TMEM151B: variants seen among roughly 807,000 people sequenced by gnomAD.
TMEM151B encodes transmembrane protein 193.
Under a neutral mutation model 33.0 loss-of-function variants are expected in TMEM151B, and 18 were observed. That is an observed-to-expected ratio of 0.55 (90% CI 0.38 to 0.81). The LOEUF (loss-of-function observed/expected upper bound fraction) is 0.81, where lower values mean the gene tolerates loss of function less well. Among genes scored for constraint, TMEM151B ranks in the 30% least tolerant of loss-of-function variants. TMEM151B has a pLI of 0.00. For synonymous variants in TMEM151B, 354 were observed against 373.6 expected (o/e 0.95, Z 0.61); for missense variants, 672 against 843.4 (o/e 0.80, Z 2.52).
chr6:44,270,737 T>C lies in TMEM151B; in HGVS notation c.-6T>C. On this transcript the variant is annotated 5_prime_UTR_variant, in exon 1 of 3. Transcript: ENST00000451188. ...GGTCCTGAGCTCGACGCGCCCCCTC[T>C]ACGCCATGTCCCCCCCTGGCTCGGC... 1 of 1,043,806 alleles carries C rather than the reference T, an allele frequency of 9.6e-7. No individual in the cohort carries two copies. The highest frequency in any genetic ancestry group is 1.2e-6 in the Non-Finnish European group (1 of 860,416). The allele number at this position is 1,043,806 out of a possible 1,614,324, so 64.7% of individuals were successfully genotyped here.
chr6:44,275,864 T>C lies in TMEM151B; in HGVS notation c.1038T>C (p.Gly346=), dbSNP rs1447079634. Residue 346 remains glycine (G), a synonymous_variant, in exon 3 of 3, where the codon GGT becomes GGC. Transcript: ENST00000451188. ...CGGGCTCGGCCAGCAGCGCAGGCGG[T>C]GGCCTCAGCCCCAGCGATGAGCTGC... ...EGPGSASSAG[G]GLSPSDELLP... is the part of the protein sequence containing the mutation. 6.5e-7 allele frequency: 1 copy of C among 1,541,576 alleles called. No homozygotes were observed. The highest frequency in any genetic ancestry group is 8.7e-7 in the Non-Finnish European group (1 of 1,145,432).
chr6:44,277,765 C>T lies in TMEM151B; in HGVS notation c.*1238C>T, dbSNP rs1036898877. 2.0e-5 allele frequency: 3 copies of T among 152,224 alleles called. No homozygotes were observed. The highest frequency in any genetic ancestry group is 7.2e-5 in the African/African-American group (3 of 41,400). The allele number at this position is 152,224 out of a possible 1,614,324, so 9.4% of individuals were successfully genotyped here. A position where few individuals can be genotyped will look rare whatever the true frequency, so the allele number is the denominator to read the frequency against. ...TATGAGCTGAAGCCCTGCTGTGTGTCGCAGGGTCTTCAAAGGGGCATCCTG... is the reference window on the plus strand; with the variant it reads ...TATGAGCTGAAGCCCTGCTGTGTGTTGCAGGGTCTTCAAAGGGGCATCCTG... On this transcript the variant is annotated 3_prime_UTR_variant, in exon 3 of 3. Transcript: ENST00000451188.
chr6:44,275,849 C>G lies in TMEM151B; in HGVS notation c.1023C>G (p.Ala341=). Residue 341 remains alanine (A), a synonymous_variant, in exon 3 of 3, where the codon GCC becomes GCG. Coordinates refer to ENST00000451188, the MANE Select transcript of TMEM151B (RefSeq NM_001137560.2). The part of the protein sequence containing the change: ...KLFGLEGPGS[A]SSAGGGLSPS... ...TTGGCCTGGAGGGCCCGGGCTCGGC[C>G]AGCAGCGCAGGCGGTGGCCTCAGCC... The G allele has an allele frequency of 6.5e-7, 1 of 1,541,918 alleles. No individual in the cohort carries two copies. The highest frequency in any genetic ancestry group is 8.7e-7 in the Non-Finnish European group (1 of 1,145,740).
chr6:44,270,747 C>G lies in TMEM151B; in HGVS notation c.5C>G (p.Ser2Cys), dbSNP rs1782291548. The G allele has an allele frequency of 6.6e-6, 7 of 1,065,260 alleles. No homozygotes were observed. Among genetic ancestry groups the G allele is most frequent in the South Asian group, 9.0e-5 (2 of 22,210 alleles). The allele number at this position is 1,065,260 out of a possible 1,614,324, so 66.0% of individuals were successfully genotyped here. A position where few individuals can be genotyped will look rare whatever the true frequency, so the allele number is the denominator to read the frequency against. ...TCGACGCGCCCCCTCTACGCCATGT[C>G]CCCCCCTGGCTCGGCCGCGGGAGAG... Reference protein sequence around the residue: MSPPGSAAGESA... With the variant: MCPPGSAAGESA... Residue 2 changes from serine to cysteine, a missense_variant, in exon 1 of 3, where the codon TCC (serine) becomes TGC (cysteine). Transcript: ENST00000451188.
intron 2 of TMEM151B, among the ~76,000 whole-genome samples, 152 bp from the exon 3 acceptor site, chr6:44,275,251 C>G (rs496455): frequency 8.9e-4 from 135 of 152,340 alleles, no homozygotes; most frequent in African/African-American, 3.2e-3. Context: ...ACGGAAAGAT[C>G]CTAACCAGCT....
At position 44,275,472 on chromosome 6, in the gene TMEM151B, G is replaced by A. The variant is rs1782542773; in HGVS notation, c.646G>A (p.Asp216Asn). 6.5e-7 allele frequency: 1 copy of A among 1,546,708 alleles called. No individual in the cohort carries two copies. The highest frequency in any genetic ancestry group is 1.2e-5 in the South Asian group (1 of 83,942). The change falls in exon 3 of 3, where the codon GAC becomes AAC. Residue 216 changes from aspartate to asparagine, a missense_variant. Coordinates refer to ENST00000451188, the MANE Select transcript of TMEM151B (RefSeq NM_001137560.2). ...EFDYARCGVR[D>N]VSKTLVGLEG... Reference sequence around the variant, plus strand: ...CGACTACGCGCGCTGCGGCGTTCGCGACGTGTCCAAGACGCTGGTGGGGCT... The same window carrying A: ...CGACTACGCGCGCTGCGGCGTTCGCAACGTGTCCAAGACGCTGGTGGGGCT...
Position 44,276,241 on chromosome 6 carries a change from G to A in TMEM151B, c.1415G>A (p.Ser472Asn). ...GPGGGAGCGG[S>N]RFSLGRLYGS... ...GGTGGGGGCGCGGGCTGCGGGGGCA[G>A]CCGCTTCTCGCTGGGCCGTCTCTAC... Residue 472 changes from serine to asparagine, a missense_variant, in exon 3 of 3, where the codon AGC becomes AAC. Coordinates refer to ENST00000451188, the MANE Select transcript of TMEM151B (RefSeq NM_001137560.2). 7.7e-7 allele frequency: 1 copy of A among 1,299,436 alleles called. No individual in the cohort carries two copies. The highest frequency in any genetic ancestry group is 3.1e-5 in the East Asian group (1 of 31,868). 80.5% of individuals were successfully genotyped at this position (1,299,436 alleles called of 1,614,324 possible).
Position 44,276,418 on chromosome 6 carries a change from A to G in TMEM151B, c.1592A>G (p.His531Arg). 1 of 1,511,596 alleles carries G rather than the reference A, an allele frequency of 6.6e-7. No homozygotes were observed. The highest frequency in any genetic ancestry group is 1.2e-5 in the South Asian group (1 of 81,338). The allele number at this position is 1,511,596 out of a possible 1,614,324, so 93.6% of individuals were successfully genotyped here. The change falls in exon 3 of 3, where the codon CAC becomes CGC. Residue 531 changes from histidine to arginine, a missense_variant. His to Arg is a conservative substitution (Grantham distance 29). Coordinates refer to ENST00000451188, the MANE Select transcript of TMEM151B (RefSeq NM_001137560.2). ...GAGGCCGGGCCGCCGCCGCCCTACC[A>G]CGACGCCCTCTACTTTCCGGTCCTC... ...EEEAGPPPPY[H>R]DALYFPVLIV...
In TMEM151B at chr6:44,276,502, G is replaced by C; in HGVS notation, c.1676G>C (p.Gly559Ala). 7.1e-7 allele frequency: 1 copy of C among 1,413,984 alleles called. No homozygotes were observed. Among genetic ancestry groups the C allele is most frequent in the Non-Finnish European group, 9.3e-7 (1 of 1,079,678 alleles). The allele number at this position is 1,413,984 out of a possible 1,614,324, so 87.6% of individuals were successfully genotyped here. The stretch of plus-strand genomic sequence containing the variant: ...AGCCACCGGCCGCTGCACCGCCACG[G>C]CTCCTGCGTAGAGACCTCACTGTGA... ...GHSHRPLHRH[G>A]SCVETSL Residue 559 changes from glycine (G) to alanine (A), a missense_variant, in exon 3 of 3, where the codon GGC (glycine) becomes GCC (alanine). By Grantham distance (60) the Gly-to-Ala change is moderately conservative. Transcript: ENST00000451188.
intron 2 of TMEM151B, among the ~76,000 whole-genome samples, chr6:44,273,816 G>A (rs1372850638): frequency 1.3e-5 from 2 of 152,376 alleles, no homozygotes; most frequent in South Asian, 2.1e-4. Context: ...GAGAGTTTAA[G>A]TAATGTGTCT....
Position 44,276,312 on chromosome 6 carries a change from A to C in TMEM151B, c.1486A>C (p.Asn496His), listed in dbSNP as rs1323516562. 2.1e-6 allele frequency: 3 copies of C among 1,442,306 alleles called. No individual in the cohort carries two copies. The highest frequency in any genetic ancestry group is 1.4e-5 in the South Asian group (1 of 73,890). 89.3% of individuals were successfully genotyped at this position (1,442,306 alleles called of 1,614,324 possible). ...GTGGCGCAGCCGCAGCGGGAGCGTCAACGAGGCCAGCTGCCCCACGGAGCA... is the reference window on the plus strand; with the variant it reads ...GTGGCGCAGCCGCAGCGGGAGCGTCCACGAGGCCAGCTGCCCCACGGAGCA... ...CLWRSRSGSV[N>H]EASCPTEQTR... The change falls in exon 3 of 3, where the codon AAC becomes CAC. Residue 496 changes from asparagine (N) to histidine (H), a missense_variant. Physicochemically the swap from Asn to His is moderately conservative, Grantham distance 68. Transcript: ENST00000451188.
intron 2 of TMEM151B, among the ~76,000 whole-genome samples, 178 bp downstream of exon 2, chr6:44,273,684 C>T (rs750193591): frequency 8.5e-5 from 13 of 152,210 alleles, no homozygotes; most frequent in East Asian, 3.9e-4. Flanking sequence ...CAGCAAAAAC[C>T]GACCAGGAGC....
intron 2 of TMEM151B, 134 bp from the exon 3 acceptor site, chr6:44,275,269 G>T: frequency 7.1e-7 from 1 of 1,417,372 alleles, no homozygotes; most frequent in East Asian, 2.5e-5. Context: ...GCTCCAGCCG[G>T]CACCTAAACC....
chr6:44,273,896 A>G (rs1365462721), intron 2 of TMEM151B, among the ~76,000 whole-genome samples: 1 of 152,154 alleles, frequency 6.6e-6, no homozygotes, highest in Non-Finnish European at 1.5e-5. Context: ...GGATCTCTAT[A>G]CTGTTTAGTG....
rs1782622575 is a variant in TMEM151B at position 44,277,086 on chromosome 6, C to T, written c.*559C>T. The T allele has an allele frequency of 6.6e-6, 1 of 152,404 alleles. No individual in the cohort carries two copies. Among genetic ancestry groups the T allele is most frequent in the South Asian group, 2.1e-4 (1 of 4,830 alleles). 9.4% of individuals were successfully genotyped at this position (152,404 alleles called of 1,614,324 possible). The stretch of plus-strand genomic sequence containing the variant: ...CAGGTGTCAGCCCTAGGCCTCCATC[C>T]AACACCGTGGAAATGTTGCTGCCCT... On this transcript the variant is annotated 3_prime_UTR_variant, in exon 3 of 3. Transcript: ENST00000451188.
rs1205608033 is a variant in TMEM151B, at chr6:44,270,796, C to T, written c.54C>T (p.Gly18=). The stretch of plus-strand genomic sequence containing the variant: ...AGAGCGCCGCCGGCGGCGGCGGCGG[C>T]GGTGGCGGCCCCGGGGTCTCGGAGG... ...AGESAAGGGG[G]GGGPGVSEEL... Residue 18 remains glycine (G), a synonymous_variant, in exon 1 of 3, where the codon GGC becomes GGT. Coordinates refer to ENST00000451188, the MANE Select transcript of TMEM151B (RefSeq NM_001137560.2). 24 of 1,105,448 alleles carry T rather than the reference C, an allele frequency of 2.2e-5. No individual in the cohort carries two copies. The highest frequency in any genetic ancestry group is 1.8e-4 in the East Asian group (4 of 21,706). The allele number at this position is 1,105,448 out of a possible 1,614,324, so 68.5% of individuals were successfully genotyped here.
chr6:44,272,840 G>A (rs997441866), intron 1 of TMEM151B, among the ~76,000 whole-genome samples: 3 of 151,934 alleles, frequency 2.0e-5, no homozygotes, highest in African/African-American at 4.8e-5. Context: ...CTGGCATTCC[G>A]GTCCCCTTTC....
Position 44,275,856 on chromosome 6 carries a change from G to T in TMEM151B, c.1030G>T (p.Ala344Ser). 5 of 1,541,694 alleles carry T rather than the reference G, an allele frequency of 3.2e-6. No individual in the cohort carries two copies. Among genetic ancestry groups the T allele is most frequent in the Non-Finnish European group, 3.5e-6 (4 of 1,145,622 alleles). The change falls in exon 3 of 3, where the codon GCA becomes TCA. Residue 344 changes from alanine (A) to serine (S), a missense_variant. By Grantham distance (99) the Ala-to-Ser change is moderately conservative. Around this residue, in one of 3 missense-constraint regions of TMEM151B, gnomAD observed 324 missense variants for 363.1 expected, o/e 0.89. Transcript: ENST00000451188. ...GGAGGGCCCGGGCTCGGCCAGCAGC[G>T]CAGGCGGTGGCCTCAGCCCCAGCGA... ...GLEGPGSASS[A>S]GGGLSPSDEL... is the part of the protein sequence containing the mutation.
At position 44,270,667 on chromosome 6, in the gene TMEM151B, C is replaced by G; in HGVS notation, c.-76C>G. 3.0e-6 allele frequency: 1 copy of G among 338,332 alleles called. No individual in the cohort carries two copies. The highest frequency in any genetic ancestry group is 4.6e-6 in the Non-Finnish European group (1 of 217,404). 21.0% of individuals were successfully genotyped at this position (338,332 alleles called of 1,614,324 possible). On this transcript the variant is annotated 5_prime_UTR_variant, in exon 1 of 3. Coordinates refer to ENST00000451188, the MANE Select transcript of TMEM151B (RefSeq NM_001137560.2). ...GCCCCGCCCCCTCCCGTCCTCTCCC[C>G]AGGGCCCGCGCAGGATGCCCCCGGC...
Sources: allele counts gnomAD v4.1 joint callset (sites outside exome capture counted in the v4.1 genomes callset), GRCh38; gene constraint gnomAD v4.1.1; regional missense constraint gnomAD v4.1.1; transcripts MANE v1.5; gene names NCBI Gene and HGNC (gene_info 2026-07-23, HGNC 2026-07-21).